The following PCDH15 variants were observed in gnomAD, a reference collection of about 807,000 sequenced individuals.
The protein encoded by PCDH15 is protocadherin related 15.
Under a neutral mutation model 178.5 loss-of-function variants are expected in PCDH15, and 129 were observed. That is an observed-to-expected ratio of 0.72 (90% confidence interval 0.63 to 0.84). The LOEUF is 0.84. Ranked by LOEUF, PCDH15 falls within the 40% of genes least tolerant of loss-of-function variation. The pLI, the probability that PCDH15 is intolerant of heterozygous loss-of-function variation, is 0.00. For missense variants in PCDH15, 2,230 were observed against 2,099.9 expected, an observed-to-expected ratio of 1.06 and a Z score of -1.21; for synonymous variants, 800 against 732.0, an observed-to-expected ratio of 1.09 and a Z score of -1.50.
At chr10:54,301,734 A>C (rs934213299) in intron 8 of PCDH15, among the ~76,000 whole-genome samples, 1 of 152,014 alleles carries the variant, frequency 6.6e-6, no homozygotes, top group African/African-American at 2.4e-5. Context: ...CTCAGGAGAG[A>C]CTCAAGTAAT....
At chr10:53,930,791 G>A (rs1028503936) in intron 25 of PCDH15, among the ~76,000 whole-genome samples, 1 of 152,086 alleles carries the variant, frequency 6.6e-6, no homozygotes, top group Non-Finnish European at 1.5e-5. Context: ...GTCAATCAGG[G>A]AGATGGATTT....
chr10:54,347,681 C>A (rs1003743572), intron 5 of PCDH15, among the ~76,000 whole-genome samples: 1 of 151,946 alleles, frequency 6.6e-6, no homozygotes, highest in Non-Finnish European at 1.5e-5. Context: ...ATAGATAGAA[C>A]ATGCCCTCTC....
chr10:55,182,701 C>T (rs912175061), intron 1 of PCDH15, among the ~76,000 whole-genome samples: 3 of 151,908 alleles, frequency 2.0e-5, no homozygotes, highest in African/African-American at 2.4e-5. Flanking sequence ...GCATGATTAC[C>T]GTTTTAATGC....
In PCDH15 at chr10:53,823,444, C is replaced by CTATT. The variant is rs756211188; in HGVS notation, c.4368-3218_4368-3215dup. ...AAAGATGTTTTTATGGCTCTCATTACTATTAAATACTTAAAAACATCAAAG... is the reference window on the plus strand; with the variant it reads ...AAAGATGTTTTTATGGCTCTCATTACTATTTATTAAATACTTAAAAACATCAAAG... On this transcript the variant is annotated intron_variant, in intron 32 of 37. Coordinates refer to ENST00000644397, the MANE Select transcript of PCDH15 (RefSeq NM_001384140.1). 7.4e-6 allele frequency: 9 copies of CTATT among 1,219,718 alleles called. No homozygotes were observed. In the African/African-American group the frequency reaches 1.0e-4, roughly 14 times the overall value. 75.6% of individuals were successfully genotyped at this position (1,219,718 alleles called of 1,614,324 possible).
chr10:54,730,066 A>G (rs1042120624), intron 1 of PCDH15, among the ~76,000 whole-genome samples: 12 of 151,646 alleles, frequency 7.9e-5, no homozygotes, highest in Non-Finnish European at 1.6e-4. Context: ...CCAAAGGAAT[A>G]TAAATCATTC....
chr10:54,776,885 A>T (rs1949763875), intron 1 of PCDH15, among the ~76,000 whole-genome samples: 1 of 152,174 alleles, frequency 6.6e-6, no homozygotes, highest in Non-Finnish European at 1.5e-5. Context: ...GCAATGTGAG[A>T]AATAAAAATG....
intron 13 of PCDH15, among the ~76,000 whole-genome samples, chr10:54,157,446 T>C (rs2045275311): frequency 6.6e-6 from 1 of 152,168 alleles, no homozygotes; most frequent in Non-Finnish European, 1.5e-5. Context: ...CTTTCAGCCA[T>C]GGCTGGAGTG....
chr10:54,048,123 T>A (rs1254644616), intron 18 of PCDH15, among the ~76,000 whole-genome samples: 1 of 152,202 alleles, frequency 6.6e-6, no homozygotes, highest in African/African-American at 2.4e-5. Context: ...AGATGGTATC[T>A]CATTCTGGTT....
chr10:54,227,212 C>T (rs1033140226), intron 9 of PCDH15, among the ~76,000 whole-genome samples: 2 of 152,188 alleles, frequency 1.3e-5, no homozygotes, highest in Admixed American at 1.3e-4. Flanking sequence ...TCATGAGATC[C>T]CTGCCCCTGA....
At chr10:55,530,374 T>C (rs1344028516) in intron 2 of PCDH15, among the ~76,000 whole-genome samples, 1 of 151,886 alleles carries the variant, frequency 6.6e-6, no homozygotes, top group African/African-American at 2.4e-5. Flanking sequence ...TTAAAAAAAT[T>C]CATATACTCT....
At chr10:54,638,252 C>G (rs2093908949) in intron 2 of PCDH15, among the ~76,000 whole-genome samples, 1 of 151,866 alleles carries the variant, frequency 6.6e-6, no homozygotes, top group Non-Finnish European at 1.5e-5. Flanking sequence ...GTACCAATCT[C>G]AGAGAGAAAG....
At chr10:55,192,754 T>C (rs60120845) in intron 1 of PCDH15, among the ~76,000 whole-genome samples, 69,979 of 149,116 alleles carry the variant, frequency 0.47, 16,745 homozygotes, top group East Asian at 0.65. Context: ...TATATATATA[T>C]ACATATAGAT....
intron 2 of PCDH15, among the ~76,000 whole-genome samples, chr10:55,610,323 A>G (rs974666916): frequency 3.3e-5 from 5 of 152,132 alleles, no homozygotes; most frequent in African/African-American, 1.2e-4. Context: ...GGAACTAATC[A>G]TTCATTATTC....
chr10:54,346,765 T>C (rs1253376297), intron 5 of PCDH15, among the ~76,000 whole-genome samples: 1 of 152,224 alleles, frequency 6.6e-6, no homozygotes, highest in Admixed American at 6.5e-5. Flanking sequence ...CATTAGTATG[T>C]TAGCTCCTGT....
intron 2 of PCDH15, among the ~76,000 whole-genome samples, chr10:55,426,517 C>G (rs868656628): frequency 6.6e-6 from 1 of 152,132 alleles, no homozygotes; most frequent in African/African-American, 2.4e-5. Flanking sequence ...TGCCCGCAAA[C>G]CCGGTAGCCC....
intron 26 of PCDH15, among the ~76,000 whole-genome samples, chr10:53,888,670 T>G (rs1453684151): frequency 7.4e-4 from 22 of 29,704 alleles, no homozygotes; most frequent in African/African-American, 2.6e-3. Context: ...GTTTGATATA[T>G]ATATATATAT....
chr10:55,160,175 T>A (rs1839024183), intron 2 of PCDH15, among the ~76,000 whole-genome samples: 1 of 152,054 alleles, frequency 6.6e-6, no homozygotes, highest in South Asian at 2.1e-4. Context: ...TTTGGCTTTC[T>A]CACAGTAAAG....
chr10:55,210,710 T>C (rs1241359308), intron 1 of PCDH15, among the ~76,000 whole-genome samples: 3 of 132,586 alleles, frequency 2.3e-5, no homozygotes, highest in Non-Finnish European at 4.7e-5. Context: ...CTCACTGCAA[T>C]CTCTGCCTCC....
chr10:53,919,776 T>C (rs1336773919), intron 25 of PCDH15, among the ~76,000 whole-genome samples: 5 of 152,124 alleles, frequency 3.3e-5, no homozygotes, highest in Non-Finnish European at 7.4e-5. Flanking sequence ...GTGAAAAAAA[T>C]AATTTATTTG....
Sources: allele counts gnomAD v4.1 joint callset (sites outside exome capture counted in the v4.1 genomes callset), GRCh38; gene constraint gnomAD v4.1.1; transcripts MANE v1.5; gene names NCBI Gene and HGNC (gene_info 2026-07-23, HGNC 2026-07-21).